The following CTNNA3 variants were observed in gnomAD, a reference collection of about 807,000 sequenced individuals.
The protein encoded by CTNNA3 is catenin alpha-3.
A neutral mutation model predicts 95.7 loss-of-function variants in CTNNA3; 76 were observed. The ratio of observed to expected loss-of-function variants is 0.79; its 90% CI spans 0.66 to 0.96. The LOEUF (loss-of-function observed/expected upper bound fraction) is 0.96, where lower values mean the gene tolerates loss of function less well. CTNNA3 is among the 40% of genes least tolerant of loss of function. The probability of loss-of-function intolerance (pLI) is 0.00; values close to 1 mark genes in which losing one functional copy is unlikely to be tolerated. For synonymous variants in CTNNA3, 431 were observed against 374.4 expected (o/e 1.15, Z -1.74); for missense variants, 1,191 against 1,089.8 (o/e 1.09, Z -1.31).
At chr10:66,684,520 C>A (rs1847177938) in intron 9 of CTNNA3, among the ~76,000 whole-genome samples, 1 of 152,112 alleles carries the variant, frequency 6.6e-6, no homozygotes, top group African/African-American at 2.4e-5. Context: ...AGATTCATTT[C>A]TATAATAGGC....
intron 8 of CTNNA3, among the ~76,000 whole-genome samples, chr10:66,772,930 A>C (rs1168259945): frequency 6.6e-6 from 1 of 152,206 alleles, no homozygotes; most frequent in Non-Finnish European, 1.5e-5. Flanking sequence ...ATGAACATTA[A>C]ATACTCCAAA....
intron 7 of CTNNA3, among the ~76,000 whole-genome samples, chr10:67,032,961 C>T (rs1026600796): frequency 1.2e-4 from 18 of 152,226 alleles, no homozygotes; most frequent in African/African-American, 4.3e-4. Flanking sequence ...GAATGGCTGG[C>T]TTTTGAAATT....
intron 8 of CTNNA3, among the ~76,000 whole-genome samples, chr10:66,773,954 G>A (rs761404952): frequency 1.7e-4 from 26 of 152,070 alleles, no homozygotes; most frequent in Non-Finnish European, 2.4e-4. Flanking sequence ...TACAATATTT[G>A]GGACATAATT....
chr10:66,076,307 T>C (rs1371647528), intron 14 of CTNNA3, among the ~76,000 whole-genome samples: 1 of 151,618 alleles, frequency 6.6e-6, no homozygotes, highest in Non-Finnish European at 1.5e-5. Flanking sequence ...TAAAGTGCTT[T>C]TGGCAAAAAT....
rs192662654 is a variant in CTNNA3, at chr10:67,666,668, C to G, written c.-5-19150G>C. 3.3e-5 allele frequency among the ~76,000 whole-genome samples: 5 copies of G among 152,224 alleles called. No homozygotes were observed. In the East Asian group the frequency reaches 9.6e-4, roughly 29 times the overall value. On this transcript the variant is annotated intron_variant, in intron 1 of 17. Transcript: ENST00000433211. Reference sequence around the variant, plus strand: ...AGATTCTGAAAGCCCACATATTGCACCCAATGACATGTATTTTTATACTTC... The same window carrying G: ...AGATTCTGAAAGCCCACATATTGCAGCCAATGACATGTATTTTTATACTTC...
At chr10:66,008,937 T>C (rs2133386121) in intron 15 of CTNNA3, among the ~76,000 whole-genome samples, 1 of 152,038 alleles carries the variant, frequency 6.6e-6, no homozygotes, top group Non-Finnish European at 1.5e-5. Context: ...CCATCTCCAC[T>C]AAAAATACAA....
At chr10:66,394,536 A>T (rs2092959450) in intron 11 of CTNNA3, among the ~76,000 whole-genome samples, 1 of 144,482 alleles carries the variant, frequency 6.9e-6, no homozygotes, top group Non-Finnish European at 1.5e-5. Context: ...ACATCTAATA[A>T]CAAAGCACTG....
intron 9 of CTNNA3, among the ~76,000 whole-genome samples, chr10:66,692,562 C>T (rs1847590866): frequency 6.6e-6 from 1 of 152,192 alleles, no homozygotes; most frequent in African/African-American, 2.4e-5. Context: ...AGAAGAACTT[C>T]CCCAATCTAG....
chr10:66,519,306 G>T (rs970998481), intron 11 of CTNNA3, among the ~76,000 whole-genome samples: 2 of 151,864 alleles, frequency 1.3e-5, no homozygotes, highest in Non-Finnish European at 2.9e-5. Flanking sequence ...ATAATAATCT[G>T]GGCTTCACAT....
chr10:67,322,406 G>A lies in CTNNA3; in HGVS notation c.580-102536C>T, dbSNP rs138094267. 1.6e-4 allele frequency among the ~76,000 whole-genome samples: 24 copies of A among 152,158 alleles called. No individual in the cohort carries two copies. In the East Asian group the frequency reaches 4.6e-3, roughly 29 times the overall value. ...ACCCACCTTTCAATAGGCCCAATGT[G>A]TATTGTTCCTTTCTGTGTGTCCATG... On this transcript the variant is annotated intron_variant, in intron 5 of 17. Coordinates refer to ENST00000433211, the MANE Select transcript of CTNNA3 (RefSeq NM_013266.4).
chr10:66,561,305 A>G (rs1344329548), intron 10 of CTNNA3, among the ~76,000 whole-genome samples: 1 of 152,106 alleles, frequency 6.6e-6, no homozygotes, highest in African/African-American at 2.4e-5. Flanking sequence ...GACAATGGGC[A>G]AACATACTGG....
chr10:66,928,041 C>A, intron 7 of CTNNA3: 1 of 1,614,104 alleles, frequency 6.2e-7, no homozygotes, highest in South Asian at 1.1e-5. Flanking sequence ...CCAGGGCTCT[C>A]CCAAAGCCGA....
At chr10:67,132,321 T>C (rs981233575) in intron 7 of CTNNA3, among the ~76,000 whole-genome samples, 5 of 152,076 alleles carry the variant, frequency 3.3e-5, no homozygotes, top group Admixed American at 3.3e-4. Flanking sequence ...TGAGATTAAG[T>C]AGAAATCTAA....
intron 10 of CTNNA3, among the ~76,000 whole-genome samples, chr10:66,586,130 AG>A (rs1488995463): frequency 6.6e-6 from 1 of 151,990 alleles, no homozygotes; most frequent in African/African-American, 2.4e-5. Flanking sequence ...CTGTCTCCTA[AG>A]GGGCTGGAAT....
chr10:66,710,344 A>G lies in CTNNA3; in HGVS notation c.1281+55920T>C, dbSNP rs538745484. Among the ~76,000 whole-genome samples, 4 of 152,270 alleles carry G rather than the reference A, an allele frequency of 2.6e-5. No homozygotes were observed. The South Asian group carries it at 6.2e-4, about 24-fold the overall frequency. ...AAAACTATTTATAATCATGAATGAA[A>G]TTTAAAAGAGTCAAGACACTAGCTA... On this transcript the variant is annotated intron_variant, in intron 9 of 17. Coordinates refer to ENST00000433211, the MANE Select transcript of CTNNA3 (RefSeq NM_013266.4).
chr10:67,587,114 TCC>T (rs1332551433), intron 3 of CTNNA3, among the ~76,000 whole-genome samples: 3 of 151,826 alleles, frequency 2.0e-5, no homozygotes, highest in African/African-American at 7.3e-5. Context: ...AGCCTCTACC[TCC>T]CAGGCTCAAG....
intron 13 of CTNNA3, among the ~76,000 whole-genome samples, chr10:66,224,259 TC>T (rs2089139939): frequency 1.3e-5 from 2 of 151,990 alleles, no homozygotes; most frequent in Non-Finnish European, 2.9e-5. Context: ...ATATAAACAA[TC>T]TCCTACTGGT....
chr10:66,416,292 C>A (rs915820507), intron 11 of CTNNA3, among the ~76,000 whole-genome samples: 1 of 151,426 alleles, frequency 6.6e-6, no homozygotes, highest in South Asian at 2.1e-4. Context: ...ATGAACAAAG[C>A]CTTAATGATA....
chr10:67,379,936 G>T (rs1001516272), intron 5 of CTNNA3, among the ~76,000 whole-genome samples: 1 of 150,182 alleles, frequency 6.7e-6, no homozygotes, highest in South Asian at 2.1e-4. Flanking sequence ...CAGGAGAATG[G>T]TGTGAACCCG....
Sources: gnomAD v4.1 joint callset for allele counts (sites outside exome capture counted in the v4.1 genomes callset) on GRCh38, gnomAD v4.1.1 for gene constraint, MANE v1.5 for transcripts, NCBI Gene and HGNC (gene_info 2026-07-23, HGNC 2026-07-21) for gene names.